The following PCDHGB4 variants were observed in gnomAD, a reference collection of about 807,000 sequenced individuals.
PCDHGB4 encodes protocadherin gamma subfamily B, 4.
In PCDHGB4, 38 loss-of-function variants were observed where a neutral mutation model predicts 60.5. That is an observed-to-expected ratio of 0.63 (90% CI 0.48 to 0.82). The LOEUF is 0.82. Among genes scored for constraint, PCDHGB4 ranks in the 40% least tolerant of loss-of-function variants. The pLI is 0.00. For synonymous variants in PCDHGB4, 456 were observed against 509.7 expected (o/e 0.89, Z 1.42); for missense variants, 1,109 against 1,209.6 (o/e 0.92, Z 1.23).
At chr5:141,393,259 G>A in intron 1 of PCDHGB4, 1 of 1,613,874 alleles carries the variant, frequency 6.2e-7, no homozygotes, top group Non-Finnish European at 8.5e-7. Context: ...GCGGTTCCTG[G>A]AGCACGTTAT....
At chr5:141,418,029 G>A (rs775326655) in intron 1 of PCDHGB4, 1 of 1,614,022 alleles carries the variant, frequency 6.2e-7, no homozygotes, top group Non-Finnish European at 8.5e-7. Context: ...CTAGGGCTTA[G>A]TGTCCTGGAT....
chr5:141,451,134 T>A (rs567790185), intron 1 of PCDHGB4, among the ~76,000 whole-genome samples: 1 of 152,254 alleles, frequency 6.6e-6, no homozygotes, highest in South Asian at 2.1e-4. Context: ...AGCCTTATGA[T>A]TGTATTTAGA....
intron 1 of PCDHGB4, chr5:141,393,035 CTT>C: frequency 6.2e-7 from 1 of 1,613,790 alleles, no homozygotes; most frequent in South Asian, 1.1e-5. Flanking sequence ...GGACGCAGCT[CTT>C]TGCTCTGAAC....
At chr5:141,399,957 C>T in intron 1 of PCDHGB4, 5 of 1,612,212 alleles carry the variant, frequency 3.1e-6, no homozygotes, top group South Asian at 1.1e-5. Flanking sequence ...CTAGCGAGCC[C>T]GGGCTCTTCA....
chr5:141,458,593 C>T (rs1352799952), intron 1 of PCDHGB4, among the ~76,000 whole-genome samples: 4 of 151,402 alleles, frequency 2.6e-5, no homozygotes, highest in Non-Finnish European at 5.9e-5. Flanking sequence ...GTTTTGGAGA[C>T]GAGTCTCACT....
At chr5:141,453,700 G>A (rs953445370) in intron 1 of PCDHGB4, among the ~76,000 whole-genome samples, 1 of 152,166 alleles carries the variant, frequency 6.6e-6, no homozygotes, top group Non-Finnish European at 1.5e-5. Flanking sequence ...TCCTGGCTTT[G>A]AACAGTTTCA....
intron 1 of PCDHGB4, among the ~76,000 whole-genome samples, chr5:141,445,609 T>A (rs900534761): frequency 1.3e-5 from 2 of 152,220 alleles, no homozygotes; most frequent in African/African-American, 4.8e-5. Flanking sequence ...CAAGGAAGGC[T>A]TTCTTTTTTT....
chr5:141,474,579 G>A (rs1340685342), intron 1 of PCDHGB4, among the ~76,000 whole-genome samples: 3 of 152,196 alleles, frequency 2.0e-5, no homozygotes, highest in Non-Finnish European at 4.4e-5. Flanking sequence ...TAATTGAAGT[G>A]TTAAAGACAT....
In PCDHGB4 at chr5:141,389,984, C is replaced by A. The variant is rs1388496409; in HGVS notation, c.2100C>A (p.Leu700=). ...TGGCCTTGGCCTTGATCTCAGTGCT[C>A]TTCCTCGTGGCCATGATTCTGGCCA... The part of the protein sequence containing the change: ...LVVALALISV[L]FLVAMILAIA... Residue 700 remains leucine, a synonymous_variant, in exon 1 of 4, where the codon CTC becomes CTA. Transcript: ENST00000519479. 6.2e-7 allele frequency: 1 copy of A among 1,613,952 alleles called. No homozygotes were observed. The highest frequency in any genetic ancestry group is 2.2e-5 in the East Asian group (1 of 44,898).
At chr5:141,401,570 C>T (rs192915698) in intron 1 of PCDHGB4, among the ~76,000 whole-genome samples, 2 of 152,290 alleles carry the variant, frequency 1.3e-5, no homozygotes, top group Admixed American at 1.3e-4. Context: ...ATTTCTCTTG[C>T]TCGGAATCCT....
intron 1 of PCDHGB4, among the ~76,000 whole-genome samples, chr5:141,455,291 A>G (rs1212745731): frequency 6.6e-6 from 1 of 152,072 alleles, no homozygotes; most frequent in Non-Finnish European, 1.5e-5. Flanking sequence ...CACTTTACAT[A>G]GTTTCATCTT....
At chr5:141,466,549 T>C (rs778708029) in intron 1 of PCDHGB4, among the ~76,000 whole-genome samples, 2 of 152,244 alleles carry the variant, frequency 1.3e-5, no homozygotes, top group African/African-American at 2.4e-5. Flanking sequence ...GGTCTTTTGC[T>C]GTGGGCTTCA....
chr5:141,409,205 A>G (rs766592481), intron 1 of PCDHGB4: 3 of 1,614,068 alleles, frequency 1.9e-6, no homozygotes, highest in Non-Finnish European at 1.7e-6. Context: ...TAAAGTAATC[A>G]TAGAAATCCT....
At chr5:141,415,475 C>T in intron 1 of PCDHGB4, 1 of 1,614,162 alleles carries the variant, frequency 6.2e-7, no homozygotes, top group Non-Finnish European at 8.5e-7. Flanking sequence ...ACCGCGGACT[C>T]GCGAAAGAGT....
chr5:141,410,796 G>T, intron 1 of PCDHGB4: 19 of 640,732 alleles, frequency 3.0e-5, no homozygotes, highest in South Asian at 1.4e-4. Flanking sequence ...TTCATAAGTT[G>T]CTCTATCTTT....
intron 1 of PCDHGB4, chr5:141,471,361 C>T (rs1206745378): frequency 6.6e-6 from 1 of 151,976 alleles, no homozygotes; most frequent in Non-Finnish European, 1.5e-5. Context: ...TCCAAGCCCC[C>T]TATTTTTATT....
At chr5:141,454,870 C>T (rs2098805291) in intron 1 of PCDHGB4, among the ~76,000 whole-genome samples, 1 of 131,902 alleles carries the variant, frequency 7.6e-6, no homozygotes, top group Non-Finnish European at 1.5e-5. Context: ...TGCAGTGGCA[C>T]GATCTTGGCT....
chr5:141,415,107 A>C (rs372656276), intron 1 of PCDHGB4: 12 of 1,613,634 alleles, frequency 7.4e-6, no homozygotes, highest in East Asian at 2.2e-5. Context: ...CGCTCAAGCA[A>C]AGCCTCGTAG....
At chr5:141,464,413 A>G (rs2099083422) in intron 1 of PCDHGB4, among the ~76,000 whole-genome samples, 1 of 151,632 alleles carries the variant, frequency 6.6e-6, no homozygotes, top group African/African-American at 2.4e-5. Context: ...ATATATATAT[A>G]TCTATATATA....
Sources: gnomAD v4.1 joint callset for allele counts (sites outside exome capture counted in the v4.1 genomes callset) on GRCh38, gnomAD v4.1.1 for gene constraint, MANE v1.5 for transcripts, NCBI Gene and HGNC (gene_info 2026-07-23, HGNC 2026-07-21) for gene names.